Variants in PTPRN2 observed in about 807,000 individuals in gnomAD.
PTPRN2 encodes protein tyrosine phosphatase receptor type N2, also known as receptor-type tyrosine-protein phosphatase N2.
PTPRN2 carries 74 observed loss-of-function variants against 118.8 expected under a neutral mutation model. The ratio of observed to expected loss-of-function variants is 0.62; its 90% CI spans 0.52 to 0.76. PTPRN2 has a LOEUF of 0.76. Ranked by LOEUF, PTPRN2 falls within the 30% of genes least tolerant of loss-of-function variation. The probability of loss-of-function intolerance (pLI) is 0.00; values close to 1 mark genes in which losing one functional copy is unlikely to be tolerated. For missense variants in PTPRN2, 1,481 were observed against 1,394.4 expected (o/e 1.06, Z -0.99); for synonymous variants, 641 against 608.0 (o/e 1.05, Z -0.80).
chr7:158,401,904 G>A (rs764754321), intron 2 of PTPRN2, among the ~76,000 whole-genome samples: 1 of 152,112 alleles, frequency 6.6e-6, no homozygotes, highest in East Asian at 1.9e-4. Context: ...CCACACTGCC[G>A]CCCAGACCTC....
At chr7:158,198,573 T>C (rs1459239017) in intron 4 of PTPRN2, among the ~76,000 whole-genome samples, 2 of 152,264 alleles carry the variant, frequency 1.3e-5, no homozygotes, top group Non-Finnish European at 2.9e-5. Context: ...GGTGCTCATA[T>C]ACACAGCTGG....
At chr7:158,163,703 T>C (rs1232812957) in intron 6 of PTPRN2, among the ~76,000 whole-genome samples, 1 of 152,058 alleles carries the variant, frequency 6.6e-6, no homozygotes, top group Non-Finnish European at 1.5e-5. Context: ...ATCAATATTC[T>C]CTGTGTATTT....
At chr7:158,081,239 TGC>T in intron 11 of PTPRN2, 57 bp downstream of exon 11, 1 of 1,457,504 alleles carries the variant, frequency 6.9e-7, no homozygotes, top group South Asian at 1.1e-5. Flanking sequence ...CGTGTTTGCG[TGC>T]GTGTGTGTGT....
intron 1 of PTPRN2, among the ~76,000 whole-genome samples, chr7:158,521,006 A>C (rs899554388): frequency 6.6e-6 from 1 of 152,206 alleles, no homozygotes; most frequent in Non-Finnish European, 1.5e-5. Context: ...CGTCCCTCTT[A>C]TCTCTCCCAC....
At chr7:158,251,159 A>G (rs1339959270) in intron 3 of PTPRN2, among the ~76,000 whole-genome samples, 1 of 152,150 alleles carries the variant, frequency 6.6e-6, no homozygotes, top group East Asian at 1.9e-4. Context: ...ACACAGCATG[A>G]CGGTAATAAT....
At chr7:158,557,070 C>T (rs567825287) in intron 1 of PTPRN2, among the ~76,000 whole-genome samples, 1 of 142,772 alleles carries the variant, frequency 7.0e-6, no homozygotes, top group South Asian at 2.3e-4. Flanking sequence ...CAGGTGGCTC[C>T]CGCGCAGGTC....
At chr7:158,279,929 G>A (rs1586110093) in intron 3 of PTPRN2, among the ~76,000 whole-genome samples, 1 of 152,254 alleles carries the variant, frequency 6.6e-6, no homozygotes, top group Middle Eastern at 3.4e-3. Context: ...TAAAATAAAG[G>A]TCTCCTTAGT....
intron 10 of PTPRN2, among the ~76,000 whole-genome samples, chr7:158,084,143 C>T (rs1211569798): frequency 2.6e-5 from 4 of 152,144 alleles, no homozygotes; most frequent in Admixed American, 1.3e-4. Flanking sequence ...CCAGGCCCAG[C>T]GGGTCTGCAG....
rs1255934362 is a variant in PTPRN2, at chr7:158,529,888, C to T, written c.113-40103G>A. On this transcript the variant is annotated intron_variant, in intron 1 of 22. Transcript: ENST00000389418. This position sits in a 1 kb window ranked among gnomAD's most constrained non-coding sequence, Gnocchi z 4.7. ...CCACACACCACACATATGCACACCA[C>T]ACACGTGCCACACACAGCACACATA... Among the ~76,000 whole-genome samples the T allele has an allele frequency of 6.6e-6, 1 of 152,004 alleles. No individual in the cohort carries two copies. The highest frequency in any genetic ancestry group is 1.5e-5 in the Non-Finnish European group (1 of 68,018).
At chr7:158,533,109 A>G (rs1261832292) in intron 1 of PTPRN2, among the ~76,000 whole-genome samples, 1 of 152,246 alleles carries the variant, frequency 6.6e-6, no homozygotes, top group East Asian at 1.9e-4. Flanking sequence ...CTCACCTCCA[A>G]CAACCACGGG....
At chr7:158,411,877 G>T (rs1443084152) in intron 2 of PTPRN2, among the ~76,000 whole-genome samples, 1 of 152,106 alleles carries the variant, frequency 6.6e-6, no homozygotes, top group East Asian at 1.9e-4. Flanking sequence ...TGCCGTGAGG[G>T]TGAAATGAGG....
intron 11 of PTPRN2, among the ~76,000 whole-genome samples, chr7:158,053,855 TCC>T (rs1563366000): frequency 1.1e-4 from 7 of 66,330 alleles, no homozygotes; most frequent in African/African-American, 4.4e-4. Flanking sequence ...ACGCAGAGAC[TCC>T]AGAGACGCAG....
chr7:157,613,735 G>A (rs1200330705), intron 15 of PTPRN2, among the ~76,000 whole-genome samples: 2 of 152,166 alleles, frequency 1.3e-5, no homozygotes, highest in African/African-American at 4.8e-5. Flanking sequence ...CCCGGCGGCC[G>A]TGGATGAGCA....
intron 6 of PTPRN2, among the ~76,000 whole-genome samples, chr7:158,149,268 C>G (rs1276475929): frequency 6.6e-6 from 1 of 152,180 alleles, no homozygotes; most frequent in Non-Finnish European, 1.5e-5. Context: ...CAATTTCCAA[C>G]CAAAAGACCT....
At chr7:158,356,697 C>G (rs781170496) in intron 2 of PTPRN2, among the ~76,000 whole-genome samples, 1 of 151,758 alleles carries the variant, frequency 6.6e-6, no homozygotes, top group Non-Finnish European at 1.5e-5. Context: ...ATCAGCCAGA[C>G]AGAGCCTGTG....
At position 157,621,510 on chromosome 7, in the gene PTPRN2, C is replaced by T. The variant is rs777358474; in HGVS notation, c.2197-1G>A. On this transcript the variant is annotated splice_acceptor_variant, in intron 14 of 22. Coordinates refer to ENST00000389418, the MANE Select transcript of PTPRN2 (RefSeq NM_002847.5). LOFTEE classifies it high-confidence loss of function. ...TCTTCAGGTGGTCCTCCATGTAGGACTGAAAGGGAAACACAGGGTCAGGAG... is the reference window on the plus strand; with the variant it reads ...TCTTCAGGTGGTCCTCCATGTAGGATTGAAAGGGAAACACAGGGTCAGGAG... The T allele has an allele frequency of 1.2e-6, 2 of 1,612,442 alleles. 1 individual carries two copies. The highest frequency in any genetic ancestry group is 2.2e-5 in the South Asian group (2 of 91,084).
chr7:157,639,341 T>G (rs556553766), intron 14 of PTPRN2, among the ~76,000 whole-genome samples: 1 of 152,094 alleles, frequency 6.6e-6, no homozygotes, highest in East Asian at 1.9e-4. Flanking sequence ...CAGCTATCTT[T>G]CTTTATTAGG....
At chr7:158,021,029 G>T (rs1357832805) in intron 11 of PTPRN2, among the ~76,000 whole-genome samples, 1 of 152,138 alleles carries the variant, frequency 6.6e-6, no homozygotes, top group East Asian at 1.9e-4. Context: ...CTCTCCTTGA[G>T]ATTTCTATAC....
At position 157,989,597 on chromosome 7, in the gene PTPRN2, C is replaced by T. The variant is rs369443631; in HGVS notation, c.1724-90860G>A. Among the ~76,000 whole-genome samples the T allele has an allele frequency of 2.5e-4, 37 of 147,504 alleles. No individual in the cohort carries two copies. In the South Asian group the frequency reaches 2.6e-3, roughly 10 times the overall value. On this transcript the variant is annotated intron_variant, in intron 11 of 22. Coordinates refer to ENST00000389418, the MANE Select transcript of PTPRN2 (RefSeq NM_002847.5). ...TCTGCACCGCTCTGACCAAGTGCGT[C>T]TAAGGGGTGGAGGGATGAGGGGGGT...
Sources: allele counts gnomAD v4.1 joint callset (sites outside exome capture counted in the v4.1 genomes callset), GRCh38; gene constraint gnomAD v4.1.1; non-coding constraint Gnocchi (gnomAD v3.1); transcripts MANE v1.5; gene names NCBI Gene and HGNC (gene_info 2026-07-23, HGNC 2026-07-21).